The following TEFM variants were observed in gnomAD, a reference collection of about 807,000 sequenced individuals.
TEFM encodes transcription elongation factor, mitochondrial, also known as transcription elongation factor of mitochondria.
A neutral mutation model predicts 23.0 loss-of-function variants in TEFM; 14 were observed. The observed-to-expected ratio is 0.61, with a 90% CI of 0.40 to 0.95. The LOEUF is 0.95. Among genes scored for constraint, TEFM ranks in the 40% least tolerant of loss-of-function variants. TEFM has a pLI of 0.00. For synonymous variants in TEFM, 155 were observed against 158.3 expected (o/e 0.98, Z 0.16); for missense variants, 386 against 425.5 (o/e 0.91, Z 0.82).
intron 2 of TEFM, among the ~76,000 whole-genome samples, chr17:30,900,842 A>C (rs1910032029): frequency 6.6e-6 from 1 of 151,568 alleles, no homozygotes; most frequent in Admixed American, 6.6e-5. Flanking sequence ...TCCTGATCTC[A>C]TGATCCACCT....
Position 30,906,184 on chromosome 17 carries a change from G to C in TEFM, c.15C>G (p.Val5=), listed in dbSNP as rs1272376162. The change falls in exon 1 of 4, where the codon GTC becomes GTG. Residue 5 remains valine, a synonymous_variant. Transcript: ENST00000581216. ...GCACCCTACCTCCCGCCGTGAAGAG[G>C]ACAGACCCGCTCATCTCCAAGTTGA... MSGS[V]LFTAGERWRC... 6.2e-7 allele frequency: 1 copy of C among 1,614,120 alleles called. No individual in the cohort carries two copies.
In TEFM at chr17:30,904,526, C is replaced by T. The variant is rs749685718; in HGVS notation, c.35G>A (p.Arg12Lys). 5.0e-6 allele frequency: 8 copies of T among 1,593,748 alleles called. No homozygotes were observed. Among genetic ancestry groups the T allele is most frequent in the African/African-American group, 4.1e-5 (3 of 73,812 alleles). ...CGACGGGGTCAGAAAGCATCTCCAC[C>T]TCTCTAAAAGGAAAATTTAGCAAAA... Reference protein sequence around the residue: ...SGSVLFTAGERWRCFLTPSRS... With the variant: ...SGSVLFTAGEKWRCFLTPSRS... The change falls in exon 2 of 4, where the codon AGG becomes AAG. Residue 12 changes from arginine to lysine, a missense_variant. Physicochemically the swap from Arg to Lys is conservative, Grantham distance 26. Transcript: ENST00000581216.
At chr17:30,900,962 G>C (rs769420700) in intron 2 of TEFM, among the ~76,000 whole-genome samples, 1 of 151,860 alleles carries the variant, frequency 6.6e-6, no homozygotes, top group Non-Finnish European at 1.5e-5. Context: ...TGCCTAACTA[G>C]TTTATGTAAT....
chr17:30,900,212 A>C, intron 3 of TEFM: 1 of 480,232 alleles, frequency 2.1e-6, no homozygotes, highest in Non-Finnish European at 3.7e-6. Context: ...TCTGCCTTCG[A>C]TGCATAAGGC....
intron 2 of TEFM, among the ~76,000 whole-genome samples, chr17:30,903,229 G>GTTT (rs567911720): frequency 1.6e-5 from 2 of 126,584 alleles, no homozygotes; most frequent in Admixed American, 8.7e-5. Context: ...TTAGAATGGT[G>GTTT]TTTTTTTTTT....
intron 1 of TEFM, among the ~76,000 whole-genome samples, chr17:30,905,834 T>A (rs1293617181): frequency 6.6e-6 from 1 of 152,064 alleles, no homozygotes; most frequent in Admixed American, 6.6e-5. Flanking sequence ...ATCCGCCCAC[T>A]CTGAGGAGCC....
chr17:30,903,939 G>C (rs1910102470), intron 2 of TEFM, 127 bp downstream of exon 2: 1 of 729,140 alleles, frequency 1.4e-6, no homozygotes, highest in African/African-American at 1.8e-5. Context: ...ATTTGGTAGT[G>C]ATCATATACT....
In TEFM at chr17:30,903,109, G is replaced by A. The variant is rs1327098785; in HGVS notation, c.495+957C>T. On this transcript the variant is annotated intron_variant, in intron 2 of 3. Transcript: ENST00000581216. ...TGTGAGATCATGCCACTGTACTCCA[G>A]CCTGGCGACAGCACAAGACTCTGTC... Among the ~76,000 whole-genome samples the A allele has an allele frequency of 2.5e-5, 3 of 121,676 alleles. No individual in the cohort carries two copies. The East Asian group carries it at 7.9e-4, about 32-fold the overall frequency. The allele number at this position is 121,676 out of a possible 152,430, so 79.8% of individuals were successfully genotyped here.
At chr17:30,901,509 C>G (rs532924213) in intron 2 of TEFM, among the ~76,000 whole-genome samples, 1 of 152,058 alleles carries the variant, frequency 6.6e-6, no homozygotes, top group Non-Finnish European at 1.5e-5. Context: ...GAGAAGTGGT[C>G]AGGGAAGGTT....
intron 2 of TEFM, among the ~76,000 whole-genome samples, chr17:30,902,450 T>C (rs1270938019): frequency 6.6e-6 from 1 of 152,172 alleles, no homozygotes; most frequent in African/African-American, 2.4e-5. Flanking sequence ...ATGACTTATA[T>C]CTCCATAAAA....
Position 30,905,520 on chromosome 17 carries a change from C to CA in TEFM, c.31+647dup, listed in dbSNP as rs35702969. ...CGGCAACAAGAGCGAAACTCCGTCT[C>CA]AAAAAAAAAAAAAAAAGGGTTTTGT... On this transcript the variant is annotated intron_variant, in intron 1 of 3. Transcript: ENST00000581216. Among the ~76,000 whole-genome samples the CA allele has an allele frequency of 8.5e-3, 738 of 86,388 alleles. 2 individuals are homozygous for CA. Among genetic ancestry groups the CA allele is most frequent in the Middle Eastern group, 0.021 (3 of 142 alleles). The allele number at this position is 86,388 out of a possible 152,430, so 56.7% of individuals were successfully genotyped here.
chr17:30,902,290 A>G (rs1012632819), intron 2 of TEFM, among the ~76,000 whole-genome samples: 2 of 152,240 alleles, frequency 1.3e-5, no homozygotes, highest in Non-Finnish European at 2.9e-5. Flanking sequence ...TATCTTAAAG[A>G]CAAAATAGTA....
intron 2 of TEFM, among the ~76,000 whole-genome samples, chr17:30,901,625 CTG>C (rs930186008): frequency 4.6e-5 from 7 of 152,144 alleles, no homozygotes; most frequent in African/African-American, 1.4e-4. Context: ...AGAATAAAGA[CTG>C]AATAGGAAAA....
chr17:30,904,061 T>C lies in TEFM; in HGVS notation c.495+5A>G. The C allele has an allele frequency of 1.2e-6, 2 of 1,609,530 alleles. No homozygotes were observed. The highest frequency in any genetic ancestry group is 1.3e-5 in the African/African-American group (1 of 74,864). On this transcript the variant is annotated splice_donor_5th_base_variant and intron_variant, in intron 2 of 3. Transcript: ENST00000581216. ...TAGGCAGTATAGCAGACATGAAGAA[T>C]ATACCTTAAGTCTTTCTCTTTCTAT...
chr17:30,905,278 T>A (rs1348508183), intron 1 of TEFM, among the ~76,000 whole-genome samples: 1 of 152,090 alleles, frequency 6.6e-6, no homozygotes. Flanking sequence ...CCCAGCACTT[T>A]GGGAGGCCGA....
Position 30,904,487 on chromosome 17 carries a change from T to G in TEFM, c.74A>C (p.Tyr25Ser). Reference sequence around the variant, plus strand: ...ACAGCAGAAATTATGTAAGGCCCAGTACAGGGATGACCTCGACGGGGTCAG... The same window carrying G: ...ACAGCAGAAATTATGTAAGGCCCAGGACAGGGATGACCTCGACGGGGTCAG... The part of the protein sequence containing the change: ...CFLTPSRSSL[Y>S]WALHNFCCRK... Residue 25 changes from tyrosine (Y) to serine (S), a missense_variant, in exon 2 of 4, where the codon TAC becomes TCC. Physicochemically the swap from Tyr to Ser is moderately radical, Grantham distance 144 (BLOSUM62 -2). Transcript: ENST00000581216. 10 of 1,613,598 alleles carry G rather than the reference T, an allele frequency of 6.2e-6. No individual in the cohort carries two copies. Among genetic ancestry groups the G allele is most frequent in the Non-Finnish European group, 8.5e-6 (10 of 1,179,654 alleles).
Position 30,899,548 on chromosome 17 carries a change from C to G in TEFM, c.704G>C (p.Gly235Ala), listed in dbSNP as rs778193690. 6.2e-7 allele frequency: 1 copy of G among 1,600,530 alleles called. No homozygotes were observed. The highest frequency in any genetic ancestry group is 8.5e-7 in the Non-Finnish European group (1 of 1,172,354). ...KADFYVLEKT[G>A]LSIQNSSLFP... Reference sequence around the variant, plus strand: ...CAGAGATGAGTTCTGAATGGAAAGTCCTGTTTTTTCCAGAACATAGAAATC... The same window carrying G: ...CAGAGATGAGTTCTGAATGGAAAGTGCTGTTTTTTCCAGAACATAGAAATC... The change falls in exon 4 of 4, where the codon GGA (glycine) becomes GCA (alanine). Residue 235 changes from glycine to alanine, a missense_variant. Transcript: ENST00000581216.
rs761124322 is a variant in TEFM, at chr17:30,904,074, T to C, written c.487A>G (p.Arg163Gly). Residue 163 changes from arginine to glycine, a missense_variant, in exon 2 of 4, where the codon AGA becomes GGA. Transcript: ENST00000581216. ...AGACATGAAGAATATACCTTAAGTCTTTCTCTTTCTATGTCTGGTTTGAGG... is the reference window on the plus strand; with the variant it reads ...AGACATGAAGAATATACCTTAAGTCCTTCTCTTTCTATGTCTGGTTTGAGG... Reference protein sequence around the residue: ...KLLKPDIERERLKAVNSIISI... With the variant: ...KLLKPDIEREGLKAVNSIISI... 4 of 1,612,466 alleles carry C rather than the reference T, an allele frequency of 2.5e-6. No homozygotes were observed. Among genetic ancestry groups the C allele is most frequent in the Non-Finnish European group, 2.5e-6 (3 of 1,179,196 alleles).
Position 30,899,612 on chromosome 17 carries a change from T to TA in TEFM, c.646-7dup, listed in dbSNP as rs754066796. The TA allele has an allele frequency of 1.4e-6, 2 of 1,479,008 alleles. No individual in the cohort carries two copies. The highest frequency in any genetic ancestry group is 9.0e-7 in the Non-Finnish European group (1 of 1,109,414). The allele number at this position is 1,479,008 out of a possible 1,614,324, so 91.6% of individuals were successfully genotyped here. A position where few individuals can be genotyped will look rare whatever the true frequency, so the allele number is the denominator to read the frequency against. On this transcript the variant is annotated splice_polypyrimidine_tract_variant and splice_region_variant and intron_variant, in intron 3 of 3. Transcript: ENST00000581216. ...TTTGAAATGATCGAGGAAATCTTTT[T>TA]AAAAAAAGACAAAATAAAGGAACAG... is the stretch of plus-strand genomic sequence containing the variant.
Sources: gnomAD v4.1 joint callset for allele counts (sites outside exome capture counted in the v4.1 genomes callset) on GRCh38, gnomAD v4.1.1 for gene constraint, MANE v1.5 for transcripts, NCBI Gene and HGNC (gene_info 2026-07-23, HGNC 2026-07-21) for gene names.